ABHD14B: variants seen among roughly 807,000 people sequenced by gnomAD.
The protein encoded by ABHD14B is putative protein-lysine deacylase ABHD14B.
In ABHD14B, 19 loss-of-function variants were observed where a neutral mutation model predicts 15.4. The ratio of observed to expected loss-of-function variants is 1.23; its 90% CI spans 0.86 to 1.81. ABHD14B has a LOEUF of 1.81. ABHD14B is among the 40% of genes most tolerant of loss of function. ABHD14B has a pLI of 0.00. For missense variants in ABHD14B, 243 were observed against 267.0 expected (o/e 0.91, Z 0.63); for synonymous variants, 92 against 117.3 (o/e 0.78, Z 1.39).
upstream of ABHD14B, chr3:51,974,247 G>C: frequency 2.8e-6 from 1 of 359,708 alleles, no homozygotes; most frequent in Non-Finnish European, 5.4e-6. Context: ...GCCCCACATG[G>C]ACATGGAGCA....
At chr3:51,971,330 G>A in intron 2 of ABHD14B, 130 bp downstream of exon 2, 1 of 1,122,450 alleles carries the variant, frequency 8.9e-7, no homozygotes, top group Middle Eastern at 3.1e-4. Flanking sequence ...TCAGGGCCCA[G>A]CCTGGCTGGG....
At chr3:51,971,398 A>G in intron 2 of ABHD14B, 62 bp downstream of exon 2, 1 of 1,454,698 alleles carries the variant, frequency 6.9e-7, no homozygotes, top group South Asian at 1.5e-5. Context: ...TGTTATAGGA[A>G]CCTGGCCCTG....
At chr3:51,973,787 G>C in intron 1 of ABHD14B, 178 bp downstream of exon 1, 2 of 1,266,714 alleles carry the variant, frequency 1.6e-6, no homozygotes, top group Admixed American at 2.3e-5. Context: ...TTGACCTCGC[G>C]GTCAGGTTGC....
chr3:51,970,254 C>G (rs915502093), intron 2 of ABHD14B, 70 bp from the exon 3 acceptor site: 18 of 1,512,546 alleles, frequency 1.2e-5, no homozygotes, highest in African/African-American at 5.6e-5. Flanking sequence ...GATGGTTGCT[C>G]TCTCCAGGAA....
In ABHD14B at chr3:51,971,553, C is replaced by T; in HGVS notation, c.118G>A (p.Gly40Ser). The T allele has an allele frequency of 6.2e-7, 1 of 1,613,670 alleles. No homozygotes were observed. Among genetic ancestry groups the T allele is most frequent in the Non-Finnish European group, 8.5e-7 (1 of 1,179,922 alleles). ...QARFSVLLLH[G>S]IRFSSETWQN... ...CAGGTCTCGGAGGAGAAGCGAATAC[C>T]ATGCAGCAGCAGTACAGAGAAGCGA... Residue 40 changes from glycine to serine, a missense_variant, in exon 2 of 4, where the codon GGT (glycine) becomes AGT (serine). Gly to Ser is a moderately conservative substitution (Grantham distance 56, BLOSUM62 0). Transcript: ENST00000361143.
At chr3:51,971,362 C>G in intron 2 of ABHD14B, 98 bp downstream of exon 2, 1 of 1,354,078 alleles carries the variant, frequency 7.4e-7, no homozygotes, top group Non-Finnish European at 9.8e-7. Context: ...CCACCGCCCC[C>G]ACCCCTGGAG....
rs745787475 is a variant in ABHD14B, at chr3:51,971,761, G to A, written c.-28-63C>T. ...CACCCTGCCCAGGGTGGCAGTCCCAGAGGAGCAGCAAGGAAGCCTCCAGGA... is the reference window on the plus strand; with the variant it reads ...CACCCTGCCCAGGGTGGCAGTCCCAAAGGAGCAGCAAGGAAGCCTCCAGGA... On this transcript the variant is annotated intron_variant, in intron 1 of 3. Coordinates refer to ENST00000361143, the MANE Select transcript of ABHD14B (RefSeq NM_001146314.2). 23 of 1,519,388 alleles carry A rather than the reference G, an allele frequency of 1.5e-5. 1 individual carries two copies. The highest frequency in any genetic ancestry group is 1.8e-4 in the Middle Eastern group (1 of 5,450). The allele number at this position is 1,519,388 out of a possible 1,614,324, so 94.1% of individuals were successfully genotyped here.
chr3:51,971,275 C>T (rs1700647728), intron 2 of ABHD14B, 185 bp downstream of exon 2: 2 of 621,032 alleles, frequency 3.2e-6, no homozygotes, highest in African/African-American at 1.8e-5. Context: ...TGGATCAAGA[C>T]TGCTCAGAGG....
intron 2 of ABHD14B, chr3:51,970,822 G>A (rs1700639475): frequency 2.2e-6 from 1 of 455,520 alleles, no homozygotes; most frequent in African/African-American, 2.0e-5. Flanking sequence ...GAGGGGGTGG[G>A]GCCAGCCATG....
intron 2 of ABHD14B, 71 bp downstream of exon 2, chr3:51,971,389 G>A (rs1018477349): frequency 7.0e-7 from 1 of 1,438,548 alleles, no homozygotes; most frequent in Non-Finnish European, 9.2e-7. Context: ...GGGGCTACAT[G>A]TTATAGGAAC....
At chr3:51,972,185 C>T (rs1700669366) in intron 1 of ABHD14B, among the ~76,000 whole-genome samples, 2 of 144,250 alleles carry the variant, frequency 1.4e-5, no homozygotes, top group East Asian at 2.0e-4. Context: ...TGCAGTGAGC[C>T]GAGATCGTGC....
At chr3:51,969,795 C>T in intron 3 of ABHD14B, 148 bp downstream of exon 3, 2 of 1,488,402 alleles carry the variant, frequency 1.3e-6, no homozygotes, top group Non-Finnish European at 1.8e-6. Flanking sequence ...GCACAGTAGT[C>T]TGCTGAGTAA....
At chr3:51,970,902 C>T in intron 2 of ABHD14B, 1 of 452,150 alleles carries the variant, frequency 2.2e-6, no homozygotes, top group South Asian at 1.6e-5. Flanking sequence ...AGTCTGGGCA[C>T]TGATCCCATC....
Position 51,973,505 on chromosome 3 carries a change from G to T in ABHD14B, c.-29+460C>A, listed in dbSNP as rs1307193526. Among the ~76,000 whole-genome samples, 416 of 126,816 alleles carry T rather than the reference G, an allele frequency of 3.3e-3. 1 individual carries two copies. Among genetic ancestry groups the T allele is most frequent in the African/African-American group, 0.013 (357 of 26,774 alleles). 83.2% of individuals were successfully genotyped at this position (126,816 alleles called of 152,430 possible). A position where few individuals can be genotyped will look rare whatever the true frequency, so the allele number is the denominator to read the frequency against. On this transcript the variant is annotated intron_variant, in intron 1 of 3. Coordinates refer to ENST00000361143, the MANE Select transcript of ABHD14B (RefSeq NM_001146314.2). ...CGGAACTAAAAGCCCATTTTCTTCGGTTTTTTTTTTTTTCTTTTTTTTTTT... is the reference window on the plus strand; with the variant it reads ...CGGAACTAAAAGCCCATTTTCTTCGTTTTTTTTTTTTTTCTTTTTTTTTTT...
At chr3:51,969,680 G>C in intron 3 of ABHD14B, 75 bp from the exon 4 acceptor site, 1 of 1,534,626 alleles carries the variant, frequency 6.5e-7, no homozygotes, top group East Asian at 2.3e-5. Flanking sequence ...CCCCACTTCA[G>C]TCTCTTCCTG....
chr3:51,974,031 G>A lies in ABHD14B; in HGVS notation c.-95C>T, dbSNP rs1700725801. ...GTGCTGGCGGTGACCTGGGGCCGGA[G>A]GAGGAACGCTGGGAAGAGGCCGGGC... On this transcript the variant is annotated 5_prime_UTR_variant, in exon 1 of 4. Coordinates refer to ENST00000361143, the MANE Select transcript of ABHD14B (RefSeq NM_001146314.2). 1.6e-6 allele frequency: 2 copies of A among 1,288,370 alleles called. No homozygotes were observed. The highest frequency in any genetic ancestry group is 2.3e-5 in the Admixed American group (1 of 43,542). The allele number at this position is 1,288,370 out of a possible 1,614,324, so 79.8% of individuals were successfully genotyped here.
intron 1 of ABHD14B, among the ~76,000 whole-genome samples, chr3:51,972,101 G>A (rs1195724192): frequency 6.7e-6 from 1 of 149,572 alleles, no homozygotes; most frequent in African/African-American, 2.5e-5. Flanking sequence ...AAAAAAATTA[G>A]CCAGGTGTGG....
intron 3 of ABHD14B, 49 bp downstream of exon 3, chr3:51,969,894 C>A: frequency 6.2e-7 from 1 of 1,614,076 alleles, no homozygotes; most frequent in Non-Finnish European, 8.5e-7. Flanking sequence ...CAGGGATGCA[C>A]CCTTCCTTGC....
chr3:51,969,831 A>G, intron 3 of ABHD14B, 112 bp downstream of exon 3: 1 of 1,585,462 alleles, frequency 6.3e-7, no homozygotes, highest in Middle Eastern at 1.7e-4. Flanking sequence ...TTGGGTGGTC[A>G]GCTCCTCCCA....
Sources: allele counts gnomAD v4.1 joint callset (sites outside exome capture counted in the v4.1 genomes callset), GRCh38; gene constraint gnomAD v4.1.1; transcripts MANE v1.5; gene names NCBI Gene and HGNC (gene_info 2026-07-23, HGNC 2026-07-21).